The following FREM1 variants were observed in gnomAD, a reference collection of about 807,000 sequenced individuals.
The protein encoded by FREM1 is FRAS1-related extracellular matrix protein 1.
FREM1 carries 220 observed loss-of-function variants against 210.1 expected under a neutral mutation model. The observed-to-expected ratio is 1.05, with a 90% confidence interval of 0.94 to 1.17. The LOEUF is 1.17. Ranked by LOEUF, FREM1 falls within the 50% of genes most tolerant of loss-of-function variation. The probability of loss-of-function intolerance (pLI) is 0.00; values close to 1 mark genes in which losing one functional copy is unlikely to be tolerated. For missense variants in FREM1, 3,454 were observed against 2,675.5 expected (o/e 1.29, Z -6.42); for synonymous variants, 1,189 against 980.2 (o/e 1.21, Z -3.98).
At chr9:14,748,730 T>A in intron 30 of FREM1, 91 bp from the exon 31 acceptor site, 1 of 807,924 alleles carries the variant, frequency 1.2e-6, no homozygotes, top group Non-Finnish European at 2.0e-6. Context: ...AGCTTGTCAT[T>A]AAACCTAGAT....
chr9:14,839,285 G>T (rs1209821069), intron 10 of FREM1, among the ~76,000 whole-genome samples: 1 of 152,206 alleles, frequency 6.6e-6, no homozygotes, highest in Non-Finnish European at 1.5e-5. Context: ...AGTCAGGGAT[G>T]ACTTCAGAGA....
rs545188415 is a variant in FREM1 at position 14,839,675 on chromosome 9, T to A, written c.1881+1772A>T. ...CACTAAAGTTTTCATTACAGAGAAA[T>A]CTGACATCTATACTTGTGTATATGA... On this transcript the variant is annotated intron_variant, in intron 10 of 36. Coordinates refer to ENST00000380880, the MANE Select transcript of FREM1 (RefSeq NM_001379081.2). Among the ~76,000 whole-genome samples the A allele has an allele frequency of 5.8e-4, 89 of 152,272 alleles. No individual in the cohort carries two copies. The South Asian group carries it at 9.3e-3, about 16-fold the overall frequency.
At position 14,819,246 on chromosome 9, in the gene FREM1, G is replaced by A. The variant is rs369195417; in HGVS notation, c.2534C>T (p.Thr845Ile). The A allele has an allele frequency of 3.1e-6, 5 of 1,611,022 alleles. No individual in the cohort carries two copies. The highest frequency in any genetic ancestry group is 1.1e-5 in the South Asian group (1 of 90,794). ...GGTFSWGDLH[T>I]LKVRYQHDGT... Reference sequence around the variant, plus strand: ...GAAATGTTCTAACCTAACTTTTAAGGTATGGAGATCGCCCCAAGAAAATGT... The same window carrying A: ...GAAATGTTCTAACCTAACTTTTAAGATATGGAGATCGCCCCAAGAAAATGT... Residue 845 changes from threonine to isoleucine, a missense_variant, in exon 14 of 37, where the codon ACC becomes ATC. Thr to Ile is a moderately conservative substitution (Grantham distance 89, BLOSUM62 -1). Transcript: ENST00000380880.
chr9:14,860,824 T>TACGTATATATAC (rs1829953582), intron 3 of FREM1, among the ~76,000 whole-genome samples: 9 of 92,988 alleles, frequency 9.7e-5, no homozygotes, highest in Non-Finnish European at 2.1e-4. Flanking sequence ...TACACATATA[T>TACGTATATATAC]ACATATATAC....
Position 14,776,002 on chromosome 9 carries a change from C to G in FREM1, c.4644G>C (p.Gln1548His), listed in dbSNP as rs373755380. Residue 1548 changes from glutamine (Q) to histidine (H), a missense_variant, in exon 25 of 37, where the codon CAG (glutamine) becomes CAC (histidine). Physicochemically the swap from Gln to His is conservative, Grantham distance 24. Coordinates refer to ENST00000380880, the MANE Select transcript of FREM1 (RefSeq NM_001379081.2). ...PAENLTFLLV[Q>H]LPQHGQLYLW... ...GGTAGAGCTGGCCATGCTGGGGGAGCTGAACCAAGAGGAAGGTGAGGTTCT... is the reference window on the plus strand; with the variant it reads ...GGTAGAGCTGGCCATGCTGGGGGAGGTGAACCAAGAGGAAGGTGAGGTTCT... 1 of 1,613,978 alleles carries G rather than the reference C, an allele frequency of 6.2e-7. No homozygotes were observed. The highest frequency in any genetic ancestry group is 1.1e-5 in the South Asian group (1 of 91,080).
chr9:14,780,147 G>C (rs145240810), intron 24 of FREM1, among the ~76,000 whole-genome samples: 1 of 152,242 alleles, frequency 6.6e-6, no homozygotes, highest in East Asian at 1.9e-4. Context: ...TATCCATTCT[G>C]AGGTGAAGAA....
Position 14,737,577 on chromosome 9 carries a change from T to G in FREM1, c.6359A>C (p.His2120Pro). 2 of 1,580,684 alleles carry G rather than the reference T, an allele frequency of 1.3e-6. No homozygotes were observed. The highest frequency in any genetic ancestry group is 1.7e-6 in the Non-Finnish European group (2 of 1,164,120). ...ACCGATCCACTCCCAGTGGCCAGCA[T>G]GCACTTGGTCGTTCAAACCTAATGT... ...SFWIGLNDQVHAGHWEWIGGE... is the reference protein window; with the variant it reads ...SFWIGLNDQVPAGHWEWIGGE... Residue 2120 changes from histidine (H) to proline (P), a missense_variant, in exon 37 of 37, where the codon CAT (histidine) becomes CCT (proline). Coordinates refer to ENST00000380880, the MANE Select transcript of FREM1 (RefSeq NM_001379081.2).
chr9:14,770,851 A>AC (rs1452713808), intron 25 of FREM1, 45 bp from the exon 26 acceptor site: 96 of 1,421,088 alleles, frequency 6.8e-5, no homozygotes, highest in Non-Finnish European at 9.2e-5. Context: ...AAGGCCCCTC[A>AC]CCCCCATGCA....
intron 1 of FREM1, among the ~76,000 whole-genome samples, chr9:14,907,690 T>C (rs1412418903): frequency 2.0e-5 from 3 of 152,202 alleles, no homozygotes; most frequent in Non-Finnish European, 2.9e-5. Context: ...TGGTGCTTTG[T>C]GAGAGAAAAA....
chr9:14,835,147 G>C (rs979571491), intron 10 of FREM1, among the ~76,000 whole-genome samples: 2 of 152,192 alleles, frequency 1.3e-5, no homozygotes, highest in African/African-American at 4.8e-5. Context: ...CACTCACAAA[G>C]TTAAAGCAAA....
chr9:14,845,933 G>C (rs1465580007), intron 8 of FREM1, 27 bp downstream of exon 8: 1 of 1,611,400 alleles, frequency 6.2e-7, no homozygotes, highest in Admixed American at 1.7e-5. Flanking sequence ...TGGATTCTTT[G>C]CTAGGTTACC....
At chr9:14,842,929 T>G (rs569279238) in intron 8 of FREM1, among the ~76,000 whole-genome samples, 1 of 152,296 alleles carries the variant, frequency 6.6e-6, no homozygotes, top group African/African-American at 2.4e-5. Flanking sequence ...ACTGTGATGG[T>G]TTTAACTTTT....
At chr9:14,752,521 C>T (rs775666818) in intron 29 of FREM1, among the ~76,000 whole-genome samples, 1 of 152,108 alleles carries the variant, frequency 6.6e-6, no homozygotes, top group Non-Finnish European at 1.5e-5. Flanking sequence ...GGGTCTTGAA[C>T]AAAGAAGTCA....
At chr9:14,885,890 T>C (rs1218679280) in intron 1 of FREM1, among the ~76,000 whole-genome samples, 1 of 152,222 alleles carries the variant, frequency 6.6e-6, no homozygotes, top group Non-Finnish European at 1.5e-5. Context: ...AATTTTCAAC[T>C]ATACAATACA....
chr9:14,867,611 G>T (rs1831773206), intron 2 of FREM1, among the ~76,000 whole-genome samples: 1 of 152,192 alleles, frequency 6.6e-6, no homozygotes, highest in African/African-American at 2.4e-5. Flanking sequence ...AGAGACACCA[G>T]TTGAGCTAGT....
At chr9:14,848,332 C>A (rs1407792384) in intron 7 of FREM1, among the ~76,000 whole-genome samples, 2 of 152,174 alleles carry the variant, frequency 1.3e-5, no homozygotes, top group Non-Finnish European at 2.9e-5. Context: ...TCCCTTGGAA[C>A]AATTTGAGTT....
rs1839119747 is a variant in FREM1 at position 14,903,361 on chromosome 9, T to C, written c.-268+6553A>G. On this transcript the variant is annotated intron_variant, in intron 1 of 36. Transcript: ENST00000380880. ...GAGGAAAGCAAAAGGCATGTGTCTATAATTTGAAATGGATGGTTGATGGCT... is the reference window on the plus strand; with the variant it reads ...GAGGAAAGCAAAAGGCATGTGTCTACAATTTGAAATGGATGGTTGATGGCT... Among the ~76,000 whole-genome samples the C allele has an allele frequency of 2.0e-5, 3 of 152,324 alleles. No homozygotes were observed. In the South Asian group the frequency reaches 6.2e-4, roughly 32 times the overall value.
At chr9:14,879,245 G>C (rs1234285943) in intron 1 of FREM1, among the ~76,000 whole-genome samples, 1 of 151,608 alleles carries the variant, frequency 6.6e-6, no homozygotes, top group Non-Finnish European at 1.5e-5. Flanking sequence ...CTGAGAATCT[G>C]TCACAAAAAG....
chr9:14,842,295 T>A (rs769157997), intron 9 of FREM1, 21 bp downstream of exon 9: 25 of 1,432,292 alleles, frequency 1.7e-5, no homozygotes, highest in Non-Finnish European at 2.2e-5. Flanking sequence ...ATTCAAATGA[T>A]CTTAACTGCC....
Sources: gnomAD v4.1 joint callset for allele counts (sites outside exome capture counted in the v4.1 genomes callset) on GRCh38, gnomAD v4.1.1 for gene constraint, MANE v1.5 for transcripts, NCBI Gene and HGNC (gene_info 2026-07-23, HGNC 2026-07-21) for gene names.